The following ASB8 variants were observed in gnomAD, a reference collection of about 807,000 sequenced individuals.
ASB8 encodes ankyrin repeat and SOCS box containing 8, also known as ankyrin repeat and SOCS box protein 8.
ASB8 carries 15 observed loss-of-function variants against 22.9 expected under a neutral mutation model. The observed-to-expected ratio is 0.66, with a 90% confidence interval of 0.44 to 1.01. The LOEUF is 1.01. Ranked by LOEUF, ASB8 falls within the 50% of genes least tolerant of loss-of-function variation. The probability of loss-of-function intolerance (pLI) is 0.00; values close to 1 mark genes in which losing one functional copy is unlikely to be tolerated. For synonymous variants in ASB8, 124 were observed against 140.8 expected (o/e 0.88, Z 0.84); for missense variants, 294 against 356.9 (o/e 0.82, Z 1.42).
In ASB8 at chr12:48,149,157, A is replaced by C; in HGVS notation, c.*209T>G. On this transcript the variant is annotated 3_prime_UTR_variant, in exon 4 of 4. Coordinates refer to ENST00000317697, the MANE Select transcript of ASB8 (RefSeq NM_024095.5). ...AATATAAAAAGCCAGGTAAGCAATA[A>C]ACAGAAAACAAAAGTGAGGGATTTT... 4 of 601,042 alleles carry C rather than the reference A, an allele frequency of 6.7e-6. No individual in the cohort carries two copies. In the East Asian group the frequency reaches 8.6e-5, roughly 13 times the overall value. The allele number at this position is 601,042 out of a possible 1,614,324, so 37.2% of individuals were successfully genotyped here.
At chr12:48,152,629 G>A (rs1565928528) in intron 2 of ASB8, among the ~76,000 whole-genome samples, 1 of 152,116 alleles carries the variant, frequency 6.6e-6, no homozygotes, top group African/African-American at 2.4e-5. Flanking sequence ...TTTTAACATA[G>A]AATGTAAGTA....
At chr12:48,155,734 A>AT (rs1951290832) in intron 1 of ASB8, among the ~76,000 whole-genome samples, 11 of 107,832 alleles carry the variant, frequency 1.0e-4, no homozygotes, top group African/African-American at 3.8e-4. Context: ...CATCTCAAAA[A>AT]AAAAAAAAAT....
At chr12:48,154,637 G>A (rs1951268126) in intron 1 of ASB8, among the ~76,000 whole-genome samples, 1 of 151,950 alleles carries the variant, frequency 6.6e-6, no homozygotes, top group Non-Finnish European at 1.5e-5. Context: ...AAAATTTGCA[G>A]ATTTTAAAAT....
Position 48,149,817 on chromosome 12 carries a change from T to G in ASB8, c.416A>C (p.Glu139Ala), listed in dbSNP as rs1334443164. ...CAGGGCATTGACAGAGGCCCCGCTC[T>G]CTAGGAGAGCCCGCACACACTCAGC... ...NNAECVRALLESGASVNALDY... is the reference protein window; with the variant it reads ...NNAECVRALLASGASVNALDY... Residue 139 changes from glutamate to alanine, a missense_variant, in exon 4 of 4, where the codon GAG becomes GCG. By Grantham distance (107) the Glu-to-Ala change is moderately radical. Coordinates refer to ENST00000317697, the MANE Select transcript of ASB8 (RefSeq NM_024095.5). 6.2e-7 allele frequency: 1 copy of G among 1,614,140 alleles called. No homozygotes were observed. Among genetic ancestry groups the G allele is most frequent in the Non-Finnish European group, 8.5e-7 (1 of 1,179,996 alleles).
At chr12:48,150,506 A>C (rs1183966120) in intron 3 of ASB8, among the ~76,000 whole-genome samples, 1 of 152,262 alleles carries the variant, frequency 6.6e-6, no homozygotes, top group Non-Finnish European at 1.5e-5. Context: ...AAAATGTTAG[A>C]ATATAAGTCA....
intron 1 of ASB8, among the ~76,000 whole-genome samples, chr12:48,155,943 A>C (rs1951297128): frequency 6.6e-6 from 1 of 151,032 alleles, no homozygotes; most frequent in Non-Finnish European, 1.5e-5. Flanking sequence ...CGCCCAGCTA[A>C]TTTTTGTATG....
chr12:48,149,283 T>G lies in ASB8; in HGVS notation c.*83A>C. 1 of 1,401,402 alleles carries G rather than the reference T, an allele frequency of 7.1e-7. No individual in the cohort carries two copies. The highest frequency in any genetic ancestry group is 9.7e-7 in the Non-Finnish European group (1 of 1,029,522). 86.8% of individuals were successfully genotyped at this position (1,401,402 alleles called of 1,614,324 possible). A position where few individuals can be genotyped will look rare whatever the true frequency, so the allele number is the denominator to read the frequency against. On this transcript the variant is annotated 3_prime_UTR_variant, in exon 4 of 4. Transcript: ENST00000317697. ...TAAACCACACAACAGGAACAACTGTTTTTCTGTTTTCTGTGACAAGGAGTA... is the reference window on the plus strand; with the variant it reads ...TAAACCACACAACAGGAACAACTGTGTTTCTGTTTTCTGTGACAAGGAGTA...
At chr12:48,150,195 T>G (rs61918826) in intron 3 of ASB8, 197 bp from the exon 4 acceptor site, 2 of 714,520 alleles carry the variant, frequency 2.8e-6, no homozygotes, top group South Asian at 1.5e-5. Context: ...GGAAAAGAAC[T>G]GTCCTCAAAC....
chr12:48,149,911 C>T lies in ASB8; in HGVS notation c.322G>A (p.Gly108Ser), dbSNP rs754513028. The change falls in exon 4 of 4, where the codon GGT becomes AGT. Residue 108 changes from glycine to serine, a missense_variant. Gly to Ser is a moderately conservative substitution (Grantham distance 56). Coordinates refer to ENST00000317697, the MANE Select transcript of ASB8 (RefSeq NM_024095.5). ...EACVEVLLEY[G>S]ANPNALDGNR... ...CCATCCAAAGCATTGGGGTTTGCACCATACTCCAATAGGACCTCCACACAA... is the reference window on the plus strand; with the variant it reads ...CCATCCAAAGCATTGGGGTTTGCACTATACTCCAATAGGACCTCCACACAA... The T allele has an allele frequency of 2.4e-5, 39 of 1,614,158 alleles. No individual in the cohort carries two copies. Among genetic ancestry groups the T allele is most frequent in the Non-Finnish European group, 3.2e-5 (38 of 1,179,998 alleles).
rs1412661103 is a variant in ASB8 at position 48,153,402 on chromosome 12, A to G, written c.95T>C (p.Phe32Ser). Residue 32 changes from phenylalanine to serine, a missense_variant, in exon 2 of 4, where the codon TTC becomes TCC. Phe to Ser is a radical substitution (Grantham distance 155). Coordinates refer to ENST00000317697, the MANE Select transcript of ASB8 (RefSeq NM_024095.5). ...GAGGTCCTCTACATTATCATGTGGG[A>G]AGGAACGGATGGCAGCAATTGTTCG... ...LIRTIAAIRS[F>S]PHDNVEDLIR... 6.2e-7 allele frequency: 1 copy of G among 1,613,964 alleles called. No individual in the cohort carries two copies. Among genetic ancestry groups the G allele is most frequent in the East Asian group, 2.2e-5 (1 of 44,874 alleles).
At chr12:48,152,925 G>A (rs536730962) in intron 2 of ASB8, 78 of 155,640 alleles carry the variant, frequency 5.0e-4, no homozygotes, top group Admixed American at 2.1e-3. Flanking sequence ...GATCGCTTGA[G>A]CCCAGGAGGT....
intron 1 of ASB8, among the ~76,000 whole-genome samples, chr12:48,155,722 T>C (rs1166337202): frequency 8.5e-6 from 1 of 117,524 alleles, no homozygotes. Flanking sequence ...AGAGTGAGAC[T>C]CCATCTCAAA....
chr12:48,151,061 T>G (rs1244197486), intron 3 of ASB8, 140 bp downstream of exon 3: 2 of 666,262 alleles, frequency 3.0e-6, no homozygotes, highest in Non-Finnish European at 5.3e-6. Flanking sequence ...TTCCTTAATA[T>G]TGGCTATGCC....
At chr12:48,151,431 T>G in intron 2 of ASB8, 126 bp from the exon 3 acceptor site, 1 of 955,942 alleles carries the variant, frequency 1.0e-6, no homozygotes, top group Non-Finnish European at 1.5e-6. Context: ...CAGTGCTAGT[T>G]CCTGTTTCCT....
chr12:48,149,874 G>T lies in ASB8; in HGVS notation c.359C>A (p.Thr120Asn). 6.2e-7 allele frequency: 1 copy of T among 1,614,220 alleles called. No individual in the cohort carries two copies. Among genetic ancestry groups the T allele is most frequent in the South Asian group, 1.1e-5 (1 of 91,084 alleles). Residue 120 changes from threonine (T) to asparagine (N), a missense_variant, in exon 4 of 4, where the codon ACC becomes AAC. Physicochemically the swap from Thr to Asn is moderately conservative, Grantham distance 65. Transcript: ENST00000317697. ...CTTAAAGGCTGCCCAGTGAAGTGGG[G>T]TATCTCTGTTGCCATCCAAAGCATT... ...NPNALDGNRD[T>N]PLHWAAFKNN...
At chr12:48,151,564 C>A in intron 2 of ASB8, 1 of 1,478,414 alleles carries the variant, frequency 6.8e-7, no homozygotes. Context: ...CAGATGGTCA[C>A]CTGGACATCA....
Position 48,149,997 on chromosome 12 carries a change from A to C in ASB8, c.236T>G (p.Val79Gly), listed in dbSNP as rs765472552. The change falls in exon 4 of 4, where the codon GTG becomes GGG. Residue 79 changes from valine to glycine, a missense_variant and splice_region_variant. Transcript: ENST00000317697. ...VELLLEKGAE[V>G]NALDGYNRTA... ...TCGGTTATACCCATCCAGGGCATTC[A>C]CCTGTAAAAAGGGAGGAACTATTAC... is the stretch of plus-strand genomic sequence containing the variant. 10 of 1,612,142 alleles carry C rather than the reference A, an allele frequency of 6.2e-6. No individual in the cohort carries two copies. Among genetic ancestry groups the C allele is most frequent in the Non-Finnish European group, 8.5e-6 (10 of 1,178,442 alleles).
In ASB8 at chr12:48,149,785, T is replaced by G. The variant is rs537807214; in HGVS notation, c.448A>C (p.Asn150His). Residue 150 changes from asparagine (N) to histidine (H), a missense_variant, in exon 4 of 4, where the codon AAC becomes CAC. Transcript: ENST00000317697. ...SGASVNALDY[N>H]NDTPLSWAAM... ...GCCCAGCTGAGCGGTGTATCATTGT[T>G]GTAATCCAGGGCATTGACAGAGGCC... The G allele has an allele frequency of 6.2e-7, 1 of 1,614,146 alleles. No individual in the cohort carries two copies. Among genetic ancestry groups the G allele is most frequent in the Admixed American group, 1.7e-5 (1 of 60,020 alleles).
chr12:48,152,589 A>G (rs1951221105), intron 2 of ASB8, among the ~76,000 whole-genome samples: 1 of 152,246 alleles, frequency 6.6e-6, no homozygotes, highest in Non-Finnish European at 1.5e-5. Flanking sequence ...AGAGGTTGAT[A>G]TCCTCTACAG....
Sources: gnomAD v4.1 joint callset for allele counts (sites outside exome capture counted in the v4.1 genomes callset) on GRCh38, gnomAD v4.1.1 for gene constraint, MANE v1.5 for transcripts, NCBI Gene and HGNC (gene_info 2026-07-23, HGNC 2026-07-21) for gene names.